The following CTNND2 variants were observed in gnomAD, a reference collection of about 807,000 sequenced individuals.
The protein encoded by CTNND2 is catenin delta 2, also known as catenin delta-2.
Under a neutral mutation model 144.4 loss-of-function variants are expected in CTNND2, and 22 were observed. That is an observed-to-expected ratio of 0.15 (90% confidence interval 0.11 to 0.22). CTNND2 has a LOEUF of 0.22. Among genes scored for constraint, CTNND2 ranks in the 10% least tolerant of loss-of-function variants. The pLI is 1.00. For synonymous variants in CTNND2, 751 were observed against 695.6 expected (o/e 1.08, Z -1.25); for missense variants, 1,353 against 1,618.8 (o/e 0.84, Z 2.82).
In CTNND2 at chr5:11,549,390, A is replaced by G. The variant is rs1411777191; in HGVS notation, c.287+15554T>C. Among the ~76,000 whole-genome samples, 16 of 152,166 alleles carry G rather than the reference A, an allele frequency of 1.1e-4. 1 individual carries two copies. The highest frequency in any genetic ancestry group is 9.8e-4 in the Admixed American group (15 of 15,274). On this transcript the variant is annotated intron_variant, in intron 3 of 21. Transcript: ENST00000304623. Reference sequence around the variant, plus strand: ...AAGATTTCACCCTCTTTCCCATCAGAGCAGAGGATAGCACAAACTCATACT... The same window carrying G: ...AAGATTTCACCCTCTTTCCCATCAGGGCAGAGGATAGCACAAACTCATACT...
Position 11,199,779 on chromosome 5 carries a change from G to A in CTNND2, c.1762-118C>T, listed in dbSNP as rs1188349093. The A allele has an allele frequency of 4.2e-6, 3 of 708,020 alleles. No individual in the cohort carries two copies. The African/African-American group carries it at 5.3e-5, about 13-fold the overall frequency. The allele number at this position is 708,020 out of a possible 1,614,324, so 43.9% of individuals were successfully genotyped here. A position where few individuals can be genotyped will look rare whatever the true frequency, so the allele number is the denominator to read the frequency against. On this transcript the variant is annotated intron_variant, in intron 10 of 21. Transcript: ENST00000304623. ...ATTAATCGCACCAAACTGAATTAAGGCATACAAAAGGAAACAAGAAAAAAA... is the reference window on the plus strand; with the variant it reads ...ATTAATCGCACCAAACTGAATTAAGACATACAAAAGGAAACAAGAAAAAAA...
chr5:11,896,896 T>C (rs1364757438), intron 1 of CTNND2, among the ~76,000 whole-genome samples: 1 of 152,182 alleles, frequency 6.6e-6, no homozygotes, highest in African/African-American at 2.4e-5. Context: ...CCATAATATA[T>C]CTATGCACCT....
intron 12 of CTNND2, among the ~76,000 whole-genome samples, chr5:11,142,724 C>T (rs887357805): frequency 5.9e-5 from 9 of 151,544 alleles, no homozygotes; most frequent in African/African-American, 2.2e-4. Context: ...CGCCATTCTC[C>T]TGCCTCAGCC....
chr5:10,982,836 G>A (rs143323537), intron 20 of CTNND2, among the ~76,000 whole-genome samples: 4 of 152,178 alleles, frequency 2.6e-5, no homozygotes, highest in African/African-American at 9.7e-5. Flanking sequence ...ATGAAATCCT[G>A]TCACTTGCAG....
intron 9 of CTNND2, among the ~76,000 whole-genome samples, chr5:11,257,128 T>A (rs1744336098): frequency 1.3e-5 from 2 of 152,264 alleles, no homozygotes; most frequent in South Asian, 4.1e-4. Flanking sequence ...GTTGGCTTAT[T>A]TCTTGCTAAT....
intron 6 of CTNND2, among the ~76,000 whole-genome samples, chr5:11,388,850 A>C (rs1005943069): frequency 6.6e-6 from 1 of 152,244 alleles, no homozygotes; most frequent in Non-Finnish European, 1.5e-5. Context: ...ACAAGAGTTC[A>C]ATTCTACCTT....
chr5:11,442,560 T>G (rs1334466298), intron 3 of CTNND2, among the ~76,000 whole-genome samples: 3 of 152,002 alleles, frequency 2.0e-5, no homozygotes, highest in African/African-American at 7.2e-5. Flanking sequence ...TTCTGAGTAC[T>G]GAAAAAGTAG....
chr5:11,609,475 GGTCA>G (rs1301978086), intron 2 of CTNND2, among the ~76,000 whole-genome samples: 1 of 152,010 alleles, frequency 6.6e-6, no homozygotes, highest in Non-Finnish European at 1.5e-5. Flanking sequence ...TCACTGCAAT[GGTCA>G]GTCTTACCTG....
In CTNND2 at chr5:11,530,928, AAGC is replaced by A. The variant is rs201988297; in HGVS notation, c.287+34013_287+34015del. On this transcript the variant is annotated intron_variant, in intron 3 of 21. Transcript: ENST00000304623. The stretch of plus-strand genomic sequence containing the variant: ...ATGTGAACTTACAAACGCACACAAA[AAGC>A]AGCACTCTGTTTACACTGTAGTATC... Among the ~76,000 whole-genome samples, 923 of 152,264 alleles carry A rather than the reference AAGC, an allele frequency of 6.1e-3. 10 individuals carry two copies. The highest frequency in any genetic ancestry group is 0.021 in the African/African-American group (858 of 41,542).
intron 2 of CTNND2, among the ~76,000 whole-genome samples, chr5:11,665,460 C>T (rs1783514651): frequency 6.6e-6 from 1 of 152,164 alleles, no homozygotes; most frequent in Non-Finnish European, 1.5e-5. Context: ...AATCTTACTA[C>T]ATTTTCACAA....
chr5:11,268,299 C>T (rs955405104), intron 9 of CTNND2, among the ~76,000 whole-genome samples: 2 of 152,186 alleles, frequency 1.3e-5, no homozygotes. Context: ...AATAATGCAA[C>T]AGCCCAGGCA....
chr5:11,708,573 C>G (rs1211999205), intron 2 of CTNND2, among the ~76,000 whole-genome samples: 2 of 152,030 alleles, frequency 1.3e-5, no homozygotes, highest in African/African-American at 4.8e-5. Flanking sequence ...CTAAAATATA[C>G]AAGTTTATTT....
In CTNND2 at chr5:11,022,907, G is replaced by C. The variant is rs778012244; in HGVS notation, c.2861C>G (p.Ala954Gly). Residue 954 changes from alanine (A) to glycine (G), a missense_variant, in exon 17 of 22, where the codon GCC becomes GGC. Ala to Gly is a moderately conservative substitution (Grantham distance 60). Around this residue, in one of 4 missense-constraint regions of CTNND2, gnomAD observed 459 missense variants for 674.3 expected, o/e 0.68. Coordinates refer to ENST00000304623, the MANE Select transcript of CTNND2 (RefSeq NM_001332.4). ...GNNSNNTASK[A>G]MSDDTVTAVC... Reference sequence around the variant, plus strand: ...AGCTGTCACTGTGTCATCCGACATGGCCTTGCTTGCAGTGTTGTTGCTGTT... The same window carrying C: ...AGCTGTCACTGTGTCATCCGACATGCCCTTGCTTGCAGTGTTGTTGCTGTT... 6.2e-7 allele frequency: 1 copy of C among 1,614,212 alleles called. No individual in the cohort carries two copies. Among genetic ancestry groups the C allele is most frequent in the South Asian group, 1.1e-5 (1 of 91,082 alleles).
chr5:11,893,762 T>C (rs1737177106), intron 1 of CTNND2, among the ~76,000 whole-genome samples: 1 of 152,158 alleles, frequency 6.6e-6, no homozygotes, highest in Non-Finnish European at 1.5e-5. Context: ...GTACACCCCA[T>C]GGATCCCCTC....
At chr5:11,083,093 T>G (rs770554052) in intron 15 of CTNND2, among the ~76,000 whole-genome samples, 1 of 152,248 alleles carries the variant, frequency 6.6e-6, no homozygotes, top group Non-Finnish European at 1.5e-5. Flanking sequence ...TTTGTGACAC[T>G]GTTTTCAGTA....
At chr5:11,518,535 T>C (rs1772402560) in intron 3 of CTNND2, among the ~76,000 whole-genome samples, 1 of 152,208 alleles carries the variant, frequency 6.6e-6, no homozygotes, top group African/African-American at 2.4e-5. Context: ...GTCCTAGGCC[T>C]TCACATTCAC....
At chr5:11,889,578 A>G (rs977431488) in intron 1 of CTNND2, among the ~76,000 whole-genome samples, 4 of 152,220 alleles carry the variant, frequency 2.6e-5, no homozygotes, top group African/African-American at 9.6e-5. Flanking sequence ...ATAATTCACT[A>G]AAGGCACAGC....
Position 11,384,626 on chromosome 5 carries a change from C to G in CTNND2, c.1177+39G>C. 1 of 1,555,294 alleles carries G rather than the reference C, an allele frequency of 6.4e-7. No individual in the cohort carries two copies. Among genetic ancestry groups the G allele is most frequent in the Non-Finnish European group, 8.7e-7 (1 of 1,155,738 alleles). ...CTGCTGCTTCCGCGTCCCCGCCACG[C>G]GCCCAGGTGAGTCGCGCCAGGTGGC... On this transcript the variant is annotated intron_variant, in intron 7 of 21. Coordinates refer to ENST00000304623, the MANE Select transcript of CTNND2 (RefSeq NM_001332.4). The surrounding 1 kb of genome is among the most constrained non-coding windows in gnomAD (Gnocchi z 5.2).
intron 2 of CTNND2, among the ~76,000 whole-genome samples, chr5:11,695,682 G>A (rs1785108559): frequency 6.6e-6 from 1 of 152,148 alleles, no homozygotes; most frequent in Non-Finnish European, 1.5e-5. Flanking sequence ...CTTTGCGTGA[G>A]TTTGATGTTC....
Sources: gnomAD v4.1 joint callset for allele counts (sites outside exome capture counted in the v4.1 genomes callset) on GRCh38, gnomAD v4.1.1 for gene constraint, gnomAD v4.1.1 regional missense constraint, Gnocchi (gnomAD v3.1) non-coding constraint, MANE v1.5 for transcripts, NCBI Gene and HGNC (gene_info 2026-07-23, HGNC 2026-07-21) for gene names.